C1orf105: variants seen among roughly 807,000 people sequenced by gnomAD.
The protein encoded by C1orf105 is chromosome 1 open reading frame 105, also known as uncharacterized protein C1orf105.
A neutral mutation model predicts 20.8 loss-of-function variants in C1orf105; 17 were observed. The observed-to-expected ratio is 0.82, with a 90% CI of 0.56 to 1.23. The LOEUF (loss-of-function observed/expected upper bound fraction) is 1.23. C1orf105 is among the 50% of genes most tolerant of loss of function. The pLI is 0.00. For missense variants in C1orf105, 219 were observed against 213.5 expected (o/e 1.03, Z -0.16); for synonymous variants, 72 against 72.1 (o/e 1.00, Z 0.01).
intron 1 of C1orf105, chr1:172,442,761 T>C: frequency 2.7e-6 from 2 of 753,200 alleles, no homozygotes; most frequent in South Asian, 3.6e-5. Context: ...CCTTTCCTTG[T>C]TTTCAAAGGC....
chr1:172,430,208 A>T (rs200155048), intron 1 of C1orf105: 1 of 374,646 alleles, frequency 2.7e-6, no homozygotes, highest in Admixed American at 4.5e-5. Flanking sequence ...TTTAAATATA[A>T]GAGACTGACT....
At chr1:172,450,068 T>C (rs1648442826) in intron 3 of C1orf105, among the ~76,000 whole-genome samples, 1 of 152,220 alleles carries the variant, frequency 6.6e-6, no homozygotes, top group Non-Finnish European at 1.5e-5. Flanking sequence ...TAGCGGTTTT[T>C]GTGGCTGCAA....
intron 3 of C1orf105, among the ~76,000 whole-genome samples, chr1:172,455,320 T>C (rs1198027213): frequency 6.6e-6 from 1 of 152,140 alleles, no homozygotes; most frequent in Non-Finnish European, 1.5e-5. Context: ...CTCCTCACTT[T>C]CTGTTCCTCC....
intron 3 of C1orf105, among the ~76,000 whole-genome samples, chr1:172,450,431 T>G (rs1387317042): frequency 6.6e-6 from 1 of 152,244 alleles, no homozygotes; most frequent in Non-Finnish European, 1.5e-5. Flanking sequence ...ACTGCGTGTA[T>G]GAAGGCCTGC....
chr1:172,453,132 A>T (rs751006119), intron 3 of C1orf105: 1 of 1,550,890 alleles, frequency 6.4e-7, no homozygotes, highest in African/African-American at 1.4e-5. Flanking sequence ...TCCCTTCTCC[A>T]GATAGAAATG....
At chr1:172,465,594 T>C (rs147547233) in intron 6 of C1orf105, 12,277 of 649,486 alleles carry the variant, frequency 0.019, 156 homozygotes, top group Non-Finnish European at 0.026. Context: ...ATACATGTCA[T>C]GTTCCTTCCC....
At chr1:172,456,746 G>A (rs1387249412) in intron 4 of C1orf105, among the ~76,000 whole-genome samples, 1 of 152,086 alleles carries the variant, frequency 6.6e-6, no homozygotes, top group Non-Finnish European at 1.5e-5. Context: ...ACTTCGCCTT[G>A]GGCTCCTAAG....
At chr1:172,440,728 G>A (rs1319183906) in intron 1 of C1orf105, among the ~76,000 whole-genome samples, 1 of 152,194 alleles carries the variant, frequency 6.6e-6, no homozygotes, top group Non-Finnish European at 1.5e-5. Context: ...GATGGGCACA[G>A]TAGTAGTCTT....
At chr1:172,452,817 G>C (rs1648800048) in intron 3 of C1orf105, 1 of 1,393,894 alleles carries the variant, frequency 7.2e-7, no homozygotes. Flanking sequence ...AGCTGCTTGG[G>C]AAATGAGGGC....
At chr1:172,441,684 G>T in intron 1 of C1orf105, 1 of 1,436,388 alleles carries the variant, frequency 7.0e-7, no homozygotes, top group East Asian at 2.3e-5. Context: ...CTAGTTAGGA[G>T]GCTAATCTAT....
chr1:172,459,973 T>C (rs1328315058), intron 4 of C1orf105, among the ~76,000 whole-genome samples: 1 of 151,522 alleles, frequency 6.6e-6, no homozygotes, highest in Non-Finnish European at 1.5e-5. Flanking sequence ...ACTGGTTCCA[T>C]TTATATGAAA....
At chr1:172,459,445 C>T (rs950210135) in intron 4 of C1orf105, among the ~76,000 whole-genome samples, 1 of 152,192 alleles carries the variant, frequency 6.6e-6, no homozygotes, top group Non-Finnish European at 1.5e-5. Flanking sequence ...AAAAGATACT[C>T]AACATTATTT....
intron 4 of C1orf105, among the ~76,000 whole-genome samples, chr1:172,457,414 C>T (rs1244655876): frequency 6.6e-6 from 1 of 152,210 alleles, no homozygotes; most frequent in Non-Finnish European, 1.5e-5. Context: ...TCACTGAGTT[C>T]ATGGCAAGTC....
chr1:172,437,728 T>TATAATAATAATAATAATAATA (rs71111014), intron 1 of C1orf105, among the ~76,000 whole-genome samples: 2 of 144,030 alleles, frequency 1.4e-5, no homozygotes, highest in Admixed American at 7.0e-5. Flanking sequence ...GAACTTAAAG[T>TATAATAATAATAATAATAATA]ATAATAATAA....
rs2149151243 is a variant in C1orf105, at chr1:172,420,828, G to A, written c.-58G>A. On this transcript the variant is annotated 5_prime_UTR_variant, in exon 1 of 7. Coordinates refer to ENST00000367727, the MANE Select transcript of C1orf105 (RefSeq NM_139240.4). ...AGTCTTCCACTGGCCACAGTGAGGG[G>A]AGCTAGGTTTCCCCAGTCTCCAGCT... 1 of 1,571,432 alleles carries A rather than the reference G, an allele frequency of 6.4e-7. No homozygotes were observed. The highest frequency in any genetic ancestry group is 8.8e-7 in the Non-Finnish European group (1 of 1,142,386).
intron 3 of C1orf105, among the ~76,000 whole-genome samples, chr1:172,449,103 C>T (rs186789180): frequency 1.3e-5 from 2 of 152,246 alleles, no homozygotes; most frequent in East Asian, 3.9e-4. Context: ...CCTCACAGGG[C>T]TGTCATAGGC....
chr1:172,453,687 A>G (rs956536648), intron 3 of C1orf105, among the ~76,000 whole-genome samples: 6 of 152,222 alleles, frequency 3.9e-5, no homozygotes, highest in African/African-American at 7.2e-5. Context: ...CTTAAATATA[A>G]TAACTCTCAG....
intron 1 of C1orf105, 127 bp downstream of exon 1, chr1:172,421,033 CA>C: frequency 1.2e-6 from 1 of 827,162 alleles, no homozygotes; most frequent in East Asian, 2.8e-5. Context: ...AGTTGAAAGC[CA>C]AAAGAAGGTA....
intron 4 of C1orf105, among the ~76,000 whole-genome samples, chr1:172,461,158 T>C (rs927791153): frequency 2.0e-5 from 3 of 152,236 alleles, no homozygotes; most frequent in Non-Finnish European, 4.4e-5. Context: ...CCAGAGGCTC[T>C]TTGTTACCAG....
Sources: gnomAD v4.1 joint callset for allele counts (sites outside exome capture counted in the v4.1 genomes callset) on GRCh38, gnomAD v4.1.1 for gene constraint, MANE v1.5 for transcripts, NCBI Gene and HGNC (gene_info 2026-07-23, HGNC 2026-07-21) for gene names.